Variants in HCN1 observed in about 807,000 individuals in gnomAD.
HCN1 encodes potassium/sodium hyperpolarization-activated cyclic nucleotide-gated channel 1.
In HCN1, 13 loss-of-function variants were observed where a neutral mutation model predicts 78.9. The ratio of observed to expected loss-of-function variants is 0.16; its 90% CI spans 0.11 to 0.26. The LOEUF (loss-of-function observed/expected upper bound fraction) is 0.26, where lower values mean the gene tolerates loss of function less well. HCN1 is among the 10% of genes least tolerant of loss of function. HCN1 has a pLI of 1.00. For missense variants in HCN1, 810 were observed against 1,154.3 expected (o/e 0.70, Z 4.32); for synonymous variants, 552 against 455.5 (o/e 1.21, Z -2.70).
At chr5:45,666,828 C>T (rs1401395048) in intron 1 of HCN1, among the ~76,000 whole-genome samples, 1 of 151,906 alleles carries the variant, frequency 6.6e-6, no homozygotes, top group East Asian at 1.9e-4. Context: ...TAGAATCAGT[C>T]TATATGTGTC....
At chr5:45,586,292 G>A (rs1161794064) in intron 2 of HCN1, among the ~76,000 whole-genome samples, 2 of 152,188 alleles carry the variant, frequency 1.3e-5, no homozygotes, top group Non-Finnish European at 2.9e-5. Flanking sequence ...CTAACAGTGA[G>A]TGAGGCTCTG....
At chr5:45,289,183 A>C (rs1745325165) in intron 6 of HCN1, among the ~76,000 whole-genome samples, 1 of 152,082 alleles carries the variant, frequency 6.6e-6, no homozygotes, top group African/African-American at 2.4e-5. Flanking sequence ...AATATGACTT[A>C]GAAACTGAAA....
At chr5:45,508,789 A>G (rs957612957) in intron 2 of HCN1, among the ~76,000 whole-genome samples, 1 of 152,160 alleles carries the variant, frequency 6.6e-6, no homozygotes, top group African/African-American at 2.4e-5. Flanking sequence ...CAAGTAGGCT[A>G]TATTGTATTA....
intron 5 of HCN1, among the ~76,000 whole-genome samples, chr5:45,337,004 A>G (rs2111960016): frequency 6.6e-6 from 1 of 151,892 alleles, no homozygotes; most frequent in Non-Finnish European, 1.5e-5. Flanking sequence ...GGGCATAAAT[A>G]CTCACCTTAG....
At chr5:45,629,596 C>T (rs1374720606) in intron 2 of HCN1, among the ~76,000 whole-genome samples, 1 of 151,900 alleles carries the variant, frequency 6.6e-6, no homozygotes, top group Non-Finnish European at 1.5e-5. Context: ...AAACAAAGTC[C>T]AAACAAAAGT....
chr5:45,510,786 T>C (rs1742399453), intron 2 of HCN1, among the ~76,000 whole-genome samples: 1 of 152,022 alleles, frequency 6.6e-6, no homozygotes, highest in South Asian at 2.1e-4. Context: ...GTCTCCTCCA[T>C]TTAAGAACAA....
chr5:45,639,435 A>G (rs144514916), intron 2 of HCN1, among the ~76,000 whole-genome samples: 1 of 152,184 alleles, frequency 6.6e-6, no homozygotes, highest in Non-Finnish European at 1.5e-5. Flanking sequence ...TTTCATTTGA[A>G]CTTCACAACT....
chr5:45,492,296 ATGTG>A (rs375423075), intron 2 of HCN1, among the ~76,000 whole-genome samples: 1,883 of 140,888 alleles, frequency 0.013, 20 homozygotes, highest in African/African-American at 0.031. Flanking sequence ...AACTCTGTGT[ATGTG>A]TGTGTGTGTG....
intron 4 of HCN1, among the ~76,000 whole-genome samples, chr5:45,378,164 C>T (rs1747728388): frequency 6.6e-6 from 1 of 151,872 alleles, no homozygotes; most frequent in African/African-American, 2.4e-5. Context: ...TTCATTTCCA[C>T]ATATTTTATA....
chr5:45,509,072 A>C (rs1467055516), intron 2 of HCN1, among the ~76,000 whole-genome samples: 1 of 152,140 alleles, frequency 6.6e-6, no homozygotes, highest in Non-Finnish European at 1.5e-5. Flanking sequence ...AAGTCCTTTA[A>C]ACATGACTGA....
rs143923156 is a variant in HCN1 at position 45,520,666 on chromosome 5, C to A, written c.850-58659G>T. Among the ~76,000 whole-genome samples, 308 of 151,938 alleles carry A rather than the reference C, an allele frequency of 2.0e-3. 2 individuals carry two copies. The highest frequency in any genetic ancestry group is 7.1e-4 in the Non-Finnish European group (48 of 67,928). ...CAAAGTTTCTCTTTTGTAAACAAGG[C>A]AGTATATAGCAGCATCTTAAAAATA... On this transcript the variant is annotated intron_variant, in intron 2 of 7. Transcript: ENST00000303230.
intron 6 of HCN1, among the ~76,000 whole-genome samples, chr5:45,288,359 G>A (rs1048123489): frequency 6.6e-6 from 1 of 151,934 alleles, no homozygotes; most frequent in African/African-American, 2.4e-5. Context: ...CTGTGAACTA[G>A]AATAGGCAAG....
rs138706287 is a variant in HCN1 at position 45,552,306 on chromosome 5, T to C, written c.850-90299A>G. Among the ~76,000 whole-genome samples the C allele has an allele frequency of 1.4e-4, 22 of 152,070 alleles. No individual in the cohort carries two copies. The East Asian group carries it at 4.1e-3, about 28-fold the overall frequency. Reference sequence around the variant, plus strand: ...AAACTGTGAATTTATAATGAAATGATTGTTTACATAGTATACCTTAAAAAA... The same window carrying C: ...AAACTGTGAATTTATAATGAAATGACTGTTTACATAGTATACCTTAAAAAA... On this transcript the variant is annotated intron_variant, in intron 2 of 7. Coordinates refer to ENST00000303230, the MANE Select transcript of HCN1 (RefSeq NM_021072.4).
chr5:45,419,867 T>C (rs916450304), intron 3 of HCN1, among the ~76,000 whole-genome samples: 1 of 152,190 alleles, frequency 6.6e-6, no homozygotes, highest in African/African-American at 2.4e-5. Flanking sequence ...GTCCCCAACA[T>C]TCCACCCACA....
intron 2 of HCN1, among the ~76,000 whole-genome samples, chr5:45,494,872 C>T (rs1741989392): frequency 6.6e-6 from 1 of 151,952 alleles, no homozygotes; most frequent in Non-Finnish European, 1.5e-5. Flanking sequence ...TTCCCCATTG[C>T]TTGTTTTTCT....
At chr5:45,462,745 T>G (rs1741187219) in intron 2 of HCN1, among the ~76,000 whole-genome samples, 1 of 152,062 alleles carries the variant, frequency 6.6e-6, no homozygotes, top group African/African-American at 2.4e-5. Context: ...ACAAACATTA[T>G]GACAAATCAA....
At chr5:45,446,419 C>T (rs561962814) in intron 3 of HCN1, among the ~76,000 whole-genome samples, 6 of 152,180 alleles carry the variant, frequency 3.9e-5, no homozygotes, top group Admixed American at 3.3e-4. Context: ...GATTGGTGTA[C>T]CTGAAAGTGA....
Position 45,524,657 on chromosome 5 carries a change from TTGTC to T in HCN1, c.850-62654_850-62651del, listed in dbSNP as rs754691453. 2.1e-4 allele frequency among the ~76,000 whole-genome samples: 32 copies of T among 152,184 alleles called. No homozygotes were observed. In the East Asian group the frequency reaches 5.2e-3, roughly 25 times the overall value. ...GTTCACTCATGATTTGGCTCTCTGT[TTGTC>T]TGTTATTGGTGTATAAGAATGCTTG... On this transcript the variant is annotated intron_variant, in intron 2 of 7. Transcript: ENST00000303230.
At chr5:45,459,806 A>C (rs1340730737) in intron 3 of HCN1, among the ~76,000 whole-genome samples, 5 of 152,100 alleles carry the variant, frequency 3.3e-5, no homozygotes, top group Non-Finnish European at 5.9e-5. Flanking sequence ...ATCTTTTGGC[A>C]GTAGTGCTAA....
Sources: allele counts gnomAD v4.1 joint callset (sites outside exome capture counted in the v4.1 genomes callset), GRCh38; gene constraint gnomAD v4.1.1; transcripts MANE v1.5; gene names NCBI Gene and HGNC (gene_info 2026-07-23, HGNC 2026-07-21).